ANO3: variants seen among roughly 807,000 people sequenced by gnomAD.
ANO3 encodes anoctamin 3.
A neutral mutation model predicts 144.8 loss-of-function variants in ANO3; 99 were observed. The observed-to-expected ratio is 0.68, with a 90% CI of 0.58 to 0.81. ANO3 has a LOEUF of 0.81. Ranked by LOEUF, ANO3 falls within the 30% of genes least tolerant of loss-of-function variation. The pLI is 0.00. For synonymous variants in ANO3, 414 were observed against 392.6 expected, an observed-to-expected ratio of 1.05 and a Z score of -0.64; for missense variants, 905 against 1,202.2, an observed-to-expected ratio of 0.75 and a Z score of 3.66.
At chr11:26,476,130 G>A (rs1436105787) in intron 4 of ANO3, among the ~76,000 whole-genome samples, 1 of 152,068 alleles carries the variant, frequency 6.6e-6, no homozygotes. Context: ...ACTATTTTGA[G>A]AATTCACCAT....
chr11:26,452,365 C>A (rs556212353), intron 3 of ANO3, among the ~76,000 whole-genome samples: 1 of 152,120 alleles, frequency 6.6e-6, no homozygotes, highest in African/African-American at 2.4e-5. Context: ...CTAGAATAAC[C>A]AATACAGAGA....
At chr11:26,611,300 G>A (rs1852091427) in intron 17 of ANO3, among the ~76,000 whole-genome samples, 1 of 151,910 alleles carries the variant, frequency 6.6e-6, no homozygotes. Context: ...ATAGGTTTTG[G>A]TATGATGTGT....
At chr11:26,339,380 C>G (rs1298888262) in intron 1 of ANO3, among the ~76,000 whole-genome samples, 1 of 152,112 alleles carries the variant, frequency 6.6e-6, no homozygotes, top group Admixed American at 6.6e-5. Flanking sequence ...GTCTCAAACT[C>G]CTGACCCAGG....
At position 26,565,613 on chromosome 11, in the gene ANO3, G is replaced by A. The variant is rs144078350; in HGVS notation, c.1447+5834G>A. On this transcript the variant is annotated intron_variant, in intron 14 of 26. Coordinates refer to ENST00000256737, the MANE Select transcript of ANO3 (RefSeq NM_031418.4). ...AGTTACTGGAGAAATCTGTTATTCC[G>A]TGGCTGTTGTTGGGTAGATTCAAAG... is the stretch of plus-strand genomic sequence containing the variant. The A allele has an allele frequency of 3.4e-4, 555 of 1,612,976 alleles. No individual in the cohort carries two copies. The highest frequency in any genetic ancestry group is 7.5e-4 in the Admixed American group (45 of 59,806).
At chr11:26,449,917 G>A (rs1858861478) in intron 3 of ANO3, among the ~76,000 whole-genome samples, 1 of 151,896 alleles carries the variant, frequency 6.6e-6, no homozygotes, top group South Asian at 2.1e-4. Flanking sequence ...ACCACATCCG[G>A]CTAATTTTTG....
intron 1 of ANO3, among the ~76,000 whole-genome samples, chr11:26,380,445 TC>T: frequency 6.6e-6 from 1 of 152,296 alleles, no homozygotes; most frequent in East Asian, 1.9e-4. Flanking sequence ...TGCTCACAGT[TC>T]TGGAGGCTGG....
chr11:26,588,937 T>C (rs1028570953), intron 14 of ANO3, among the ~76,000 whole-genome samples: 3 of 152,214 alleles, frequency 2.0e-5, no homozygotes, highest in Non-Finnish European at 4.4e-5. Context: ...AGATTCTAAT[T>C]TTTCCTGCAG....
chr11:26,253,474 A>G (rs1852984800), intron 1 of ANO3, among the ~76,000 whole-genome samples: 2 of 152,010 alleles, frequency 1.3e-5, no homozygotes, highest in Admixed American at 6.6e-5. Context: ...CACCTGGGTG[A>G]TGAAATAATC....
intron 1 of ANO3, among the ~76,000 whole-genome samples, chr11:26,204,376 A>G (rs1232705821): frequency 6.6e-6 from 1 of 152,142 alleles, no homozygotes; most frequent in African/African-American, 2.4e-5. Flanking sequence ...CAAGGAGCTA[A>G]GTAGCTACTC....
rs187113304 is a variant in ANO3, at chr11:26,441,934, G to A, written c.63G>A (p.Lys21=). ...FKQQKGMNIS[K]SEITKETSLK... ...GATTTGCAGGTATGAATATAAGCAA[G>A]AGTGAGATAACAAAAGAAACTTCGT... The change falls in exon 2 of 27, where the codon AAG becomes AAA. Residue 21 remains lysine (K), a synonymous_variant. Transcript: ENST00000256737. 2 of 1,613,584 alleles carry A rather than the reference G, an allele frequency of 1.2e-6. No homozygotes were observed. The highest frequency in any genetic ancestry group is 2.7e-5 in the African/African-American group (2 of 75,000).
chr11:26,601,319 TA>T (rs1851794085), intron 17 of ANO3, among the ~76,000 whole-genome samples: 1 of 152,306 alleles, frequency 6.6e-6, no homozygotes, highest in East Asian at 1.9e-4. Context: ...TATTTAACTT[TA>T]AAACAATAAT....
intron 9 of ANO3, among the ~76,000 whole-genome samples, chr11:26,536,593 C>G (rs112188824): frequency 0.019 from 2,910 of 151,792 alleles, 40 homozygotes; most frequent in African/African-American, 0.045. Flanking sequence ...AATTAGATGT[C>G]TTAGCGTTTA....
At chr11:26,338,590 A>C (rs188398545) in intron 1 of ANO3, among the ~76,000 whole-genome samples, 6 of 152,294 alleles carry the variant, frequency 3.9e-5, no homozygotes, top group African/African-American at 1.4e-4. Context: ...TTTTTATAAT[A>C]AATCTTGCTG....
chr11:26,478,822 A>G (rs1346821100), intron 4 of ANO3, among the ~76,000 whole-genome samples: 2 of 152,104 alleles, frequency 1.3e-5, no homozygotes, highest in Non-Finnish European at 2.9e-5. Context: ...ACCACACATA[A>G]ATGAGGCAAA....
intron 1 of ANO3, among the ~76,000 whole-genome samples, chr11:26,360,754 TTA>T (rs1199397257): frequency 2.0e-5 from 3 of 152,214 alleles, no homozygotes; most frequent in African/African-American, 7.2e-5. Flanking sequence ...CTTTGTTACC[TTA>T]TGTGTTCTAA....
At chr11:26,393,779 A>G (rs1345830931) in intron 1 of ANO3, among the ~76,000 whole-genome samples, 1 of 152,136 alleles carries the variant, frequency 6.6e-6, no homozygotes, top group African/African-American at 2.4e-5. Context: ...ATACTTTGGG[A>G]GTTGTTATTG....
chr11:26,289,585 A>ATG (rs1257560905), intron 1 of ANO3, among the ~76,000 whole-genome samples: 3 of 103,962 alleles, frequency 2.9e-5, no homozygotes, highest in Non-Finnish European at 5.5e-5. Flanking sequence ...TATATCCTAT[A>ATG]TGTGTGTATA....
chr11:26,432,298 G>A (rs1251151056), intron 1 of ANO3, among the ~76,000 whole-genome samples: 2 of 152,066 alleles, frequency 1.3e-5, no homozygotes, highest in Admixed American at 6.5e-5. Context: ...CGCTATAGAT[G>A]CTGGATATTA....
chr11:26,536,326 A>C (rs1251616157), intron 9 of ANO3, among the ~76,000 whole-genome samples: 1 of 151,918 alleles, frequency 6.6e-6, no homozygotes, highest in Non-Finnish European at 1.5e-5. Flanking sequence ...CTCAAAAAAA[A>C]AAAAAAAGAA....
Sources: allele counts gnomAD v4.1 joint callset (sites outside exome capture counted in the v4.1 genomes callset), GRCh38; gene constraint gnomAD v4.1.1; transcripts MANE v1.5; gene names NCBI Gene and HGNC (gene_info 2026-07-23, HGNC 2026-07-21).